PITPNM2: variants seen among roughly 807,000 people sequenced by gnomAD.
The protein encoded by PITPNM2 is phosphatidylinositol transfer protein membrane associated 2.
A neutral mutation model predicts 132.2 loss-of-function variants in PITPNM2; 35 were observed. The observed-to-expected ratio is 0.26, with a 90% CI of 0.20 to 0.35. The LOEUF (loss-of-function observed/expected upper bound fraction) is 0.35. Among genes scored for constraint, PITPNM2 ranks in the 10% least tolerant of loss-of-function variants. PITPNM2 has a pLI of 1.00. For missense variants in PITPNM2, 1,332 were observed against 1,912.0 expected (o/e 0.70, Z 5.66); for synonymous variants, 738 against 799.2 (o/e 0.92, Z 1.29).
chr12:123,131,272 T>C (rs534145806), intron 1 of PITPNM2, among the ~76,000 whole-genome samples: 2 of 152,142 alleles, frequency 1.3e-5, no homozygotes, highest in African/African-American at 2.4e-5. Context: ...CAGAGGCAGA[T>C]AGACACAGAG....
In PITPNM2 at chr12:123,097,545, G is replaced by A. The variant is rs1034265096; in HGVS notation, c.-96+12840C>T. Reference sequence around the variant, plus strand: ...AGGGAGATTGTCTTTCTTAAGGCACGCACATGCTCAGCAGTGATGGCATGG... The same window carrying A: ...AGGGAGATTGTCTTTCTTAAGGCACACACATGCTCAGCAGTGATGGCATGG... On this transcript the variant is annotated intron_variant, in intron 2 of 25. Coordinates refer to ENST00000320201, the MANE Select transcript of PITPNM2 (RefSeq NM_020845.3). The surrounding 1 kb of genome is among the most constrained non-coding windows in gnomAD (Gnocchi z 4.7). 2.1e-4 allele frequency among the ~76,000 whole-genome samples: 32 copies of A among 152,142 alleles called. No individual in the cohort carries two copies. The highest frequency in any genetic ancestry group is 7.7e-4 in the African/African-American group (32 of 41,434).
At chr12:123,120,179 G>A (rs1331213150) in intron 1 of PITPNM2, among the ~76,000 whole-genome samples, 1 of 152,134 alleles carries the variant, frequency 6.6e-6, no homozygotes, top group Non-Finnish European at 1.5e-5. Context: ...CACCCTCTAA[G>A]ATTTAAAATG....
At position 122,989,963 on chromosome 12, in the gene PITPNM2, C is replaced by A; in HGVS notation, c.2570-15G>T. The A allele has an allele frequency of 7.7e-7, 1 of 1,301,430 alleles. No homozygotes were observed. 80.6% of individuals were successfully genotyped at this position (1,301,430 alleles called of 1,614,324 possible). A position where few individuals can be genotyped will look rare whatever the true frequency, so the allele number is the denominator to read the frequency against. On this transcript the variant is annotated splice_polypyrimidine_tract_variant and intron_variant, in intron 17 of 25. Coordinates refer to ENST00000320201, the MANE Select transcript of PITPNM2 (RefSeq NM_020845.3). ...ATCGGGGGCCTCTGAGAAGCAAGAGCAATGGATGGCTCAGCCACGCGGGGA... is the reference window on the plus strand; with the variant it reads ...ATCGGGGGCCTCTGAGAAGCAAGAGAAATGGATGGCTCAGCCACGCGGGGA...
In PITPNM2 at chr12:123,010,043, G is replaced by A. The variant is rs768533208; in HGVS notation, c.450C>T (p.His150=). ...GGTCCTCTTCTGTCTTATACTCGTT[G>A]TGGGGCACAGGGTCTTTGACAATGT... ...FIDIVKDPVP[H]NEYKTEEDPK... Residue 150 remains histidine (H), a synonymous_variant, in exon 6 of 26, where the codon CAC becomes CAT. Coordinates refer to ENST00000320201, the MANE Select transcript of PITPNM2 (RefSeq NM_020845.3). The A allele has an allele frequency of 6.2e-7, 1 of 1,614,170 alleles. No homozygotes were observed. Among genetic ancestry groups the A allele is most frequent in the Non-Finnish European group, 8.5e-7 (1 of 1,180,036 alleles).
chr12:123,143,925 G>A (rs1382882257), intron 1 of PITPNM2, among the ~76,000 whole-genome samples: 1 of 152,216 alleles, frequency 6.6e-6, no homozygotes, highest in Non-Finnish European at 1.5e-5. Context: ...GGTGCCCTGA[G>A]CTAGGCTGGA....
At chr12:122,997,670 G>C (rs1387843160) in intron 10 of PITPNM2, 98 bp from the exon 11 acceptor site, 1 of 1,492,540 alleles carries the variant, frequency 6.7e-7, no homozygotes, top group Admixed American at 1.9e-5. Context: ...CTTGCACGCA[G>C]CCCAACTGCT....
At chr12:123,067,963 C>T (rs973386806) in intron 2 of PITPNM2, among the ~76,000 whole-genome samples, 1 of 152,172 alleles carries the variant, frequency 6.6e-6, no homozygotes, top group Non-Finnish European at 1.5e-5. Flanking sequence ...AGGGCTGCAG[C>T]CCAATTAGCT....
chr12:123,032,521 C>T (rs1334797995), intron 3 of PITPNM2, among the ~76,000 whole-genome samples: 13 of 151,892 alleles, frequency 8.6e-5, no homozygotes, highest in Admixed American at 8.5e-4. Flanking sequence ...CCTGGAGTGA[C>T]AGGTGTTTTG....
chr12:123,073,980 G>A (rs1252905629), intron 2 of PITPNM2, among the ~76,000 whole-genome samples: 1 of 152,188 alleles, frequency 6.6e-6, no homozygotes, highest in African/African-American at 2.4e-5. Flanking sequence ...CTGAGCACCC[G>A]CTGAAGGACA....
At chr12:122,989,175 C>A (rs1167087225) in intron 18 of PITPNM2, among the ~76,000 whole-genome samples, 1 of 152,188 alleles carries the variant, frequency 6.6e-6, no homozygotes, top group African/African-American at 2.4e-5. Context: ...ACTCTGGTGA[C>A]CCTCTGCCCC....
At position 123,004,555 on chromosome 12, in the gene PITPNM2, G is replaced by A. The variant is rs746832407; in HGVS notation, c.953-66C>T. ...AAGGGCCCAGAGGCTGCCCTGAGCC[G>A]GCAGGAGGCAGGGAGGGCCACCCAC... On this transcript the variant is annotated intron_variant, in intron 7 of 25. Transcript: ENST00000320201. This position sits in a 1 kb window ranked among gnomAD's most constrained non-coding sequence, Gnocchi z 4.9. 5.9e-5 allele frequency: 89 copies of A among 1,512,688 alleles called. No individual in the cohort carries two copies. Among genetic ancestry groups the A allele is most frequent in the East Asian group, 1.1e-4 (5 of 44,142 alleles). 93.7% of individuals were successfully genotyped at this position (1,512,688 alleles called of 1,614,324 possible). A position where few individuals can be genotyped will look rare whatever the true frequency, so the allele number is the denominator to read the frequency against.
chr12:123,048,482 G>C (rs981577656), intron 2 of PITPNM2, among the ~76,000 whole-genome samples: 6 of 151,242 alleles, frequency 4.0e-5, no homozygotes, highest in Admixed American at 1.3e-4. Context: ...GCGCAATCTC[G>C]GCTCACTGCA....
intron 2 of PITPNM2, among the ~76,000 whole-genome samples, chr12:123,056,865 C>A (rs942776204): frequency 1.3e-5 from 2 of 152,078 alleles, no homozygotes; most frequent in African/African-American, 4.8e-5. Context: ...ACTTTGCAGA[C>A]CCAGGAGGTG....
chr12:123,128,050 C>T (rs887907262), intron 1 of PITPNM2, among the ~76,000 whole-genome samples: 31 of 151,878 alleles, frequency 2.0e-4, no homozygotes, highest in Non-Finnish European at 4.1e-4. Flanking sequence ...TGTTATTTGG[C>T]CCTGGAATGC....
chr12:123,038,459 T>G (rs1468861573), intron 2 of PITPNM2, among the ~76,000 whole-genome samples: 4 of 152,106 alleles, frequency 2.6e-5, no homozygotes, highest in African/African-American at 9.7e-5. Context: ...TCTCCATATA[T>G]AAAATGGGGA....
Position 122,995,382 on chromosome 12 carries a change from T to C in PITPNM2, c.2054+7A>G, listed in dbSNP as rs60888713. 8.7e-3 allele frequency: 13,745 copies of C among 1,582,170 alleles called. 876 individuals carry two copies. The African/African-American group carries it at 0.15, about 17-fold the overall frequency. ...GAGGCAAGCCCCAGCCCCCCAGCCC[T>C]GCCCACCTGGACAGGAAGGCCTGGT... On this transcript the variant is annotated splice_region_variant and intron_variant, in intron 14 of 25. Transcript: ENST00000320201.
chr12:123,136,945 T>C (rs2043395085), intron 1 of PITPNM2, among the ~76,000 whole-genome samples: 1 of 152,216 alleles, frequency 6.6e-6, no homozygotes, highest in Admixed American at 6.5e-5. Flanking sequence ...TATGGAAATG[T>C]ACAGAACAGC....
At position 122,996,929 on chromosome 12, in the gene PITPNM2, C is replaced by A; in HGVS notation, c.1473-19G>T. Reference sequence around the variant, plus strand: ...GCTGAGGCTGGGGAGAGGGGCCAGTCAAGAGAGGGCAGGCGGCTCCAGCTC... The same window carrying A: ...GCTGAGGCTGGGGAGAGGGGCCAGTAAAGAGAGGGCAGGCGGCTCCAGCTC... On this transcript the variant is annotated intron_variant, in intron 11 of 25. Coordinates refer to ENST00000320201, the MANE Select transcript of PITPNM2 (RefSeq NM_020845.3). 1 of 1,551,094 alleles carries A rather than the reference C, an allele frequency of 6.4e-7. No individual in the cohort carries two copies. Among genetic ancestry groups the A allele is most frequent in the Non-Finnish European group, 8.7e-7 (1 of 1,155,686 alleles).
intron 1 of PITPNM2, among the ~76,000 whole-genome samples, chr12:123,129,693 TTA>T (rs1363430453): frequency 6.6e-6 from 1 of 152,158 alleles, no homozygotes; most frequent in Non-Finnish European, 1.5e-5. Context: ...CTCCTAATAT[TTA>T]TGTTTCTGAG....
Sources: gnomAD v4.1 joint callset for allele counts (sites outside exome capture counted in the v4.1 genomes callset) on GRCh38, gnomAD v4.1.1 for gene constraint, Gnocchi (gnomAD v3.1) non-coding constraint, MANE v1.5 for transcripts, NCBI Gene and HGNC (gene_info 2026-07-23, HGNC 2026-07-21) for gene names.